MAGI3: variants seen among roughly 807,000 people sequenced by gnomAD.
MAGI3 encodes the protein membrane associated guanylate kinase, WW and PDZ domain containing 3.
Under a neutral mutation model 121.8 loss-of-function variants are expected in MAGI3, and 43 were observed. The observed-to-expected ratio is 0.35, with a 90% CI of 0.28 to 0.46. MAGI3 has a LOEUF of 0.46. Ranked by LOEUF, MAGI3 falls within the 20% of genes least tolerant of loss-of-function variation. MAGI3 has a pLI of 1.00. For synonymous variants in MAGI3, 553 were observed against 639.3 expected (o/e 0.86, Z 2.04); for missense variants, 1,547 against 1,797.3 (o/e 0.86, Z 2.52).
At chr1:113,480,991 A>G (rs1454042269) in intron 1 of MAGI3, among the ~76,000 whole-genome samples, 1 of 152,248 alleles carries the variant, frequency 6.6e-6, no homozygotes, top group Non-Finnish European at 1.5e-5. Flanking sequence ...TTGATTCTCA[A>G]TATACTACTA....
intron 9 of MAGI3, among the ~76,000 whole-genome samples, chr1:113,639,163 A>G (rs527857771): frequency 4.1e-4 from 63 of 152,208 alleles, no homozygotes; most frequent in Middle Eastern, 3.4e-3. Flanking sequence ...AGGAAAGGGA[A>G]CTCCCTGACC....
chr1:113,673,285 A>G lies in MAGI3; in HGVS notation c.3046-37A>G, dbSNP rs746367410. The G allele has an allele frequency of 6.2e-6, 10 of 1,600,422 alleles. No individual in the cohort carries two copies. The East Asian group carries it at 1.8e-4, about 29-fold the overall frequency. On this transcript the variant is annotated intron_variant, in intron 18 of 20. Transcript: ENST00000307546. ...TCTTCAAAATGTAAGTAAACAGTCC[A>G]TGAGAACTTGCTTTTCTTATACTTC...
intron 1 of MAGI3, among the ~76,000 whole-genome samples, chr1:113,472,749 T>C (rs1186091187): frequency 6.6e-6 from 1 of 151,938 alleles, no homozygotes; most frequent in Non-Finnish European, 1.5e-5. Context: ...TGTGTGTGTG[T>C]GTGTGTGTGT....
intron 1 of MAGI3, among the ~76,000 whole-genome samples, chr1:113,521,493 C>A (rs1161223947): frequency 6.6e-6 from 1 of 151,020 alleles, no homozygotes; most frequent in Admixed American, 6.6e-5. Flanking sequence ...CTCAGCTCTG[C>A]CTTCCGGGTT....
chr1:113,410,111 T>C (rs1447330873), intron 1 of MAGI3, among the ~76,000 whole-genome samples: 1 of 152,160 alleles, frequency 6.6e-6, no homozygotes, highest in Non-Finnish European at 1.5e-5. Context: ...TTTTTCTCTG[T>C]GTTCTTACCA....
At chr1:113,679,200 C>T (rs180673199) in intron 19 of MAGI3, among the ~76,000 whole-genome samples, 4 of 152,148 alleles carry the variant, frequency 2.6e-5, no homozygotes, top group Admixed American at 1.3e-4. Flanking sequence ...TTCCCATCTC[C>T]CAGGTAGTGG....
At chr1:113,483,952 G>A (rs1656232145) in intron 1 of MAGI3, among the ~76,000 whole-genome samples, 1 of 151,840 alleles carries the variant, frequency 6.6e-6, no homozygotes, top group African/African-American at 2.4e-5. Context: ...TTGAGAGTGA[G>A]TTGCAGATAT....
intron 1 of MAGI3, among the ~76,000 whole-genome samples, chr1:113,547,295 TA>T (rs35066015): frequency 0.23 from 33,989 of 149,490 alleles, 4,874 homozygotes; most frequent in East Asian, 0.65. Context: ...GCTTCAAATT[TA>T]AAAAAAAAAG....
At chr1:113,570,089 T>G (rs567350645) in intron 2 of MAGI3, among the ~76,000 whole-genome samples, 136 of 152,246 alleles carry the variant, frequency 8.9e-4, no homozygotes, top group Non-Finnish European at 1.6e-3. Flanking sequence ...GCCCTCCCTG[T>G]GTCCATGTGT....
intron 1 of MAGI3, among the ~76,000 whole-genome samples, chr1:113,395,715 A>G (rs1335130030): frequency 6.6e-6 from 1 of 151,450 alleles, no homozygotes; most frequent in Non-Finnish European, 1.5e-5. Flanking sequence ...CTTGTATATC[A>G]TTTTCTAGTA....
intron 19 of MAGI3, among the ~76,000 whole-genome samples, chr1:113,679,583 A>G (rs1648090452): frequency 6.6e-6 from 1 of 152,182 alleles, no homozygotes; most frequent in Non-Finnish European, 1.5e-5. Context: ...TTCCAAAGTT[A>G]TACTTGACTT....
chr1:113,469,896 TA>T (rs1358430785), intron 1 of MAGI3, among the ~76,000 whole-genome samples: 1 of 152,206 alleles, frequency 6.6e-6, no homozygotes, highest in Non-Finnish European at 1.5e-5. Flanking sequence ...TAAATAGTTA[TA>T]AAACAGGAGG....
At chr1:113,665,417 A>G (rs1299269872) in intron 16 of MAGI3, among the ~76,000 whole-genome samples, 1 of 152,008 alleles carries the variant, frequency 6.6e-6, no homozygotes, top group Non-Finnish European at 1.5e-5. Context: ...ATACATCCTA[A>G]TATATCTGCT....
intron 9 of MAGI3, among the ~76,000 whole-genome samples, chr1:113,633,667 G>C (rs923172220): frequency 1.3e-5 from 2 of 152,120 alleles, no homozygotes; most frequent in African/African-American, 2.4e-5. Context: ...CCAAGTCTTT[G>C]CTATTGTGAA....
chr1:113,650,958 A>T, intron 13 of MAGI3, 56 bp from the exon 14 acceptor site: 1 of 1,496,120 alleles, frequency 6.7e-7, no homozygotes, highest in Non-Finnish European at 9.2e-7. Flanking sequence ...GGAATTCCTT[A>T]ACTCTTCAGC....
chr1:113,643,729 AT>A lies in MAGI3; in HGVS notation c.1967-4del, dbSNP rs548097728. 1.6e-3 allele frequency: 2,136 copies of A among 1,323,946 alleles called. 1 individual carries two copies. Among genetic ancestry groups the A allele is most frequent in the South Asian group, 6.5e-3 (477 of 72,954 alleles). 82.0% of individuals were successfully genotyped at this position (1,323,946 alleles called of 1,614,324 possible). A position where few individuals can be genotyped will look rare whatever the true frequency, so the allele number is the denominator to read the frequency against. On this transcript the variant is annotated splice_polypyrimidine_tract_variant and intron_variant, in intron 10 of 20. Transcript: ENST00000307546. ...ATCCTCTGGTTTTAAACTTTGGTTC[AT>A]TTTTTTTTTAAGGTCCTCCTTCACC...
At chr1:113,431,901 G>A (rs1653317591) in intron 1 of MAGI3, among the ~76,000 whole-genome samples, 1 of 108,598 alleles carries the variant, frequency 9.2e-6, no homozygotes, top group South Asian at 2.9e-4. Flanking sequence ...ACTTGGAGAA[G>A]AACAAGTTAG....
At chr1:113,537,545 C>T (rs1051219560) in intron 1 of MAGI3, among the ~76,000 whole-genome samples, 1 of 152,172 alleles carries the variant, frequency 6.6e-6, no homozygotes, top group African/African-American at 2.4e-5. Flanking sequence ...TCTGATAGCT[C>T]ACGTAAACTG....
chr1:113,601,966 G>A (rs1380653969), intron 6 of MAGI3, among the ~76,000 whole-genome samples: 2 of 151,150 alleles, frequency 1.3e-5, no homozygotes, highest in East Asian at 1.9e-4. Flanking sequence ...GTAAACTATC[G>A]CAAGAACAAA....
Sources: allele counts gnomAD v4.1 joint callset (sites outside exome capture counted in the v4.1 genomes callset), GRCh38; gene constraint gnomAD v4.1.1; transcripts MANE v1.5; gene names NCBI Gene and HGNC (gene_info 2026-07-23, HGNC 2026-07-21).